Variants in TNFRSF19 observed in about 807,000 individuals in gnomAD.
TNFRSF19 encodes the protein TNF receptor superfamily member 19, also known as tumor necrosis factor receptor superfamily member 19.
TNFRSF19 carries 27 observed loss-of-function variants against 46.4 expected under a neutral mutation model. That is an observed-to-expected ratio of 0.58 (90% CI 0.43 to 0.80). TNFRSF19 has a LOEUF of 0.80. Ranked by LOEUF, TNFRSF19 falls within the 30% of genes least tolerant of loss-of-function variation. TNFRSF19 has a pLI of 0.00. For synonymous variants in TNFRSF19, 204 were observed against 205.0 expected (o/e 1.00, Z 0.04); for missense variants, 511 against 530.8 (o/e 0.96, Z 0.37).
chr13:23,613,918 G>A (rs11838577), intron 3 of TNFRSF19, among the ~76,000 whole-genome samples: 1 of 152,170 alleles, frequency 6.6e-6, no homozygotes, highest in Non-Finnish European at 1.5e-5. Flanking sequence ...CATCTTTATT[G>A]TTTTCCTATT....
At chr13:23,604,473 C>T (rs1227182353) in intron 3 of TNFRSF19, among the ~76,000 whole-genome samples, 1 of 152,078 alleles carries the variant, frequency 6.6e-6, no homozygotes, top group East Asian at 1.9e-4. Context: ...ATCAAAGTCC[C>T]AGCAAGTTAT....
At chr13:23,649,998 G>T (rs1233819591) in intron 5 of TNFRSF19, among the ~76,000 whole-genome samples, 1 of 152,104 alleles carries the variant, frequency 6.6e-6, no homozygotes, top group Admixed American at 6.5e-5. Flanking sequence ...AAGGTTCCAT[G>T]TACACGTGAA....
At chr13:23,635,098 G>A (rs1419134475) in intron 5 of TNFRSF19, among the ~76,000 whole-genome samples, 1 of 152,058 alleles carries the variant, frequency 6.6e-6, no homozygotes, top group Non-Finnish European at 1.5e-5. Flanking sequence ...GAGGGTAGGT[G>A]AGTCCTACCC....
chr13:23,620,561 AC>A (rs1442238271), intron 4 of TNFRSF19, among the ~76,000 whole-genome samples: 2 of 152,248 alleles, frequency 1.3e-5, no homozygotes, highest in African/African-American at 4.8e-5. Context: ...CTGTAAAATG[AC>A]CATGCTGTAA....
At chr13:23,577,870 C>A (rs558174128) in intron 1 of TNFRSF19, among the ~76,000 whole-genome samples, 5 of 152,206 alleles carry the variant, frequency 3.3e-5, no homozygotes, top group African/African-American at 9.6e-5. Flanking sequence ...TGTGACTCTT[C>A]AGCCTGACAG....
intron 5 of TNFRSF19, among the ~76,000 whole-genome samples, chr13:23,646,167 C>T (rs1883317425): frequency 6.6e-6 from 1 of 152,198 alleles, no homozygotes; most frequent in African/African-American, 2.4e-5. Context: ...CTCTCTTTCC[C>T]TCCCCGGTCA....
chr13:23,650,441 C>T (rs1258131419), intron 5 of TNFRSF19, among the ~76,000 whole-genome samples: 1 of 152,176 alleles, frequency 6.6e-6, no homozygotes, highest in African/African-American at 2.4e-5. Flanking sequence ...ACAAGCTACA[C>T]TGTGGATGAA....
intron 3 of TNFRSF19, among the ~76,000 whole-genome samples, chr13:23,604,946 TGAAA>T (rs1880414259): frequency 1.3e-5 from 2 of 152,016 alleles, no homozygotes; most frequent in South Asian, 4.2e-4. Context: ...GCACAACCTA[TGAAA>T]GAAAGAATTA....
In TNFRSF19 at chr13:23,590,201, A is replaced by G. The variant is rs942898953; in HGVS notation, c.18A>G (p.Leu6=). The G allele has an allele frequency of 2.5e-6, 4 of 1,597,858 alleles. No individual in the cohort carries two copies. Among genetic ancestry groups the G allele is most frequent in the Non-Finnish European group, 2.6e-6 (3 of 1,171,378 alleles). The change falls in exon 2 of 10, where the codon CTA becomes CTG. Residue 6 remains leucine (L), a synonymous_variant. Coordinates refer to ENST00000248484, the MANE Select transcript of TNFRSF19 (RefSeq NM_148957.4). ...TAAGAAAGATGGCTTTAAAAGTGCT[A>G]CTAGAACAAGAGAAAACGTTTTTCA... is the stretch of plus-strand genomic sequence containing the variant. MALKV[L]LEQEKTFFTL...
intron 2 of TNFRSF19, among the ~76,000 whole-genome samples, chr13:23,590,641 T>C (rs1326677417): frequency 1.3e-5 from 2 of 152,232 alleles, no homozygotes; most frequent in Admixed American, 1.3e-4. Flanking sequence ...AGCCCAAAAT[T>C]ATTTTCTATT....
intron 3 of TNFRSF19, among the ~76,000 whole-genome samples, chr13:23,615,014 G>A (rs1881174232): frequency 6.6e-6 from 1 of 152,034 alleles, no homozygotes; most frequent in East Asian, 1.9e-4. Flanking sequence ...CATAAATGTT[G>A]GTACTTACAT....
At chr13:23,651,480 T>A (rs574874380) in intron 5 of TNFRSF19, among the ~76,000 whole-genome samples, 1 of 152,326 alleles carries the variant, frequency 6.6e-6, no homozygotes, top group South Asian at 2.1e-4. Flanking sequence ...TTTCATGTGC[T>A]AAACTCTCTA....
chr13:23,664,880 A>T (rs950633631), intron 7 of TNFRSF19, among the ~76,000 whole-genome samples: 2 of 152,372 alleles, frequency 1.3e-5, no homozygotes, highest in Middle Eastern at 6.8e-3. Context: ...GTACTTGTGG[A>T]TCTAAACATA....
At chr13:23,603,935 A>C (rs1880340016) in intron 3 of TNFRSF19, among the ~76,000 whole-genome samples, 1 of 152,064 alleles carries the variant, frequency 6.6e-6, no homozygotes, top group Non-Finnish European at 1.5e-5. Context: ...TAAGATCAGG[A>C]ACAAGGCAAG....
chr13:23,630,519 C>T (rs1208408805), intron 5 of TNFRSF19, among the ~76,000 whole-genome samples: 2 of 152,052 alleles, frequency 1.3e-5, no homozygotes, highest in Non-Finnish European at 2.9e-5. Flanking sequence ...TCTGTCTGGG[C>T]ACTAATGGCA....
chr13:23,613,657 T>C (rs575987258), intron 3 of TNFRSF19, among the ~76,000 whole-genome samples: 1 of 152,368 alleles, frequency 6.6e-6, no homozygotes, highest in East Asian at 1.9e-4. Flanking sequence ...GAACCTTTGC[T>C]GTGGAGAACC....
At chr13:23,670,010 G>A (rs1338921192) in intron 9 of TNFRSF19, among the ~76,000 whole-genome samples, 1 of 152,186 alleles carries the variant, frequency 6.6e-6, no homozygotes, top group Non-Finnish European at 1.5e-5. Context: ...CCCCAGATCA[G>A]GGTTGTGGGT....
At chr13:23,629,307 C>T (rs573146733) in intron 5 of TNFRSF19, among the ~76,000 whole-genome samples, 9 of 152,292 alleles carry the variant, frequency 5.9e-5, no homozygotes, top group African/African-American at 9.6e-5. Context: ...CCAGGTGGCT[C>T]GGAGTCTGGT....
Position 23,646,643 on chromosome 13 carries a change from AT to A in TNFRSF19, c.446-12405del, listed in dbSNP as rs572437397. Among the ~76,000 whole-genome samples the A allele has an allele frequency of 5.6e-3, 855 of 152,330 alleles. 11 individuals carry two copies. The highest frequency in any genetic ancestry group is 0.019 in the African/African-American group (779 of 41,556). On this transcript the variant is annotated intron_variant, in intron 5 of 9. Coordinates refer to ENST00000248484, the MANE Select transcript of TNFRSF19 (RefSeq NM_148957.4). ...TCTTTCCTTTAAAAGGCTGAATAAT[AT>A]TCCACTGTATGTCTATGCCACATTT...
Sources: allele counts gnomAD v4.1 joint callset (sites outside exome capture counted in the v4.1 genomes callset), GRCh38; gene constraint gnomAD v4.1.1; transcripts MANE v1.5; gene names NCBI Gene and HGNC (gene_info 2026-07-23, HGNC 2026-07-21).